The following CACNA1B variants were observed in gnomAD, a reference collection of about 807,000 sequenced individuals.
CACNA1B encodes the protein calcium voltage-gated channel subunit alpha1 B, also known as voltage-dependent N-type calcium channel subunit alpha-1B.
CACNA1B carries 70 observed loss-of-function variants against 247.2 expected under a neutral mutation model. The observed-to-expected ratio is 0.28, with a 90% CI of 0.23 to 0.35. The LOEUF (loss-of-function observed/expected upper bound fraction) is 0.35, where lower values mean the gene tolerates loss of function less well. Ranked by LOEUF, CACNA1B falls within the 10% of genes least tolerant of loss-of-function variation. CACNA1B has a pLI of 1.00. For missense variants in CACNA1B, 2,367 were observed against 3,197.4 expected (o/e 0.74, Z 6.26); for synonymous variants, 1,231 against 1,294.4 (o/e 0.95, Z 1.05).
At chr9:138,000,940 G>A (rs1349415035) in intron 15 of CACNA1B, among the ~76,000 whole-genome samples, 1 of 151,956 alleles carries the variant, frequency 6.6e-6, no homozygotes, top group Non-Finnish European at 1.5e-5. Flanking sequence ...GGTCAGTCTT[G>A]CTATACAATT....
intron 3 of CACNA1B, among the ~76,000 whole-genome samples, chr9:137,906,861 C>T (rs369130868): frequency 4.8e-4 from 73 of 152,338 alleles, no homozygotes; most frequent in African/African-American, 1.5e-3. Flanking sequence ...ATTTAACATA[C>T]GTGTTCCTCT....
intron 16 of CACNA1B, among the ~76,000 whole-genome samples, chr9:138,008,516 C>T (rs1252921556): frequency 1.3e-5 from 2 of 152,222 alleles, no homozygotes; most frequent in Non-Finnish European, 1.5e-5. Context: ...CGTGGACTCA[C>T]CTGTGAGGCT....
Position 138,003,081 on chromosome 9 carries a change from C to T in CACNA1B, c.1975-3686C>T, listed in dbSNP as rs1049380740. 2.0e-5 allele frequency among the ~76,000 whole-genome samples: 3 copies of T among 151,630 alleles called. No homozygotes were observed. The East Asian group carries it at 5.9e-4, about 30-fold the overall frequency. On this transcript the variant is annotated intron_variant, in intron 15 of 46. Coordinates refer to ENST00000371372, the MANE Select transcript of CACNA1B (RefSeq NM_000718.4). ...AAAGTGCTGGGATTACAAACGTGAGCCACTGTGCCTGGCCCAAATTTCTTT... is the reference window on the plus strand; with the variant it reads ...AAAGTGCTGGGATTACAAACGTGAGTCACTGTGCCTGGCCCAAATTTCTTT...
chr9:138,101,410 C>A (rs1007848287), intron 37 of CACNA1B, among the ~76,000 whole-genome samples: 1 of 152,202 alleles, frequency 6.6e-6, no homozygotes, highest in African/African-American at 2.4e-5. Flanking sequence ...TGAGAGTGCA[C>A]AGAAAGCTTT....
intron 6 of CACNA1B, among the ~76,000 whole-genome samples, chr9:137,918,770 C>G (rs781000250): frequency 6.6e-6 from 1 of 152,172 alleles, no homozygotes; most frequent in Non-Finnish European, 1.5e-5. Flanking sequence ...GCTCGTTTAT[C>G]AAGCTTCTTG....
In CACNA1B at chr9:137,882,637, G is replaced by A. The variant is rs749055508; in HGVS notation, c.391-107G>A. The A allele has an allele frequency of 5.3e-6, 7 of 1,316,748 alleles. No homozygotes were observed. The East Asian group carries it at 1.2e-4, about 22-fold the overall frequency. 81.6% of individuals were successfully genotyped at this position (1,316,748 alleles called of 1,614,324 possible). On this transcript the variant is annotated intron_variant, in intron 2 of 46. Coordinates refer to ENST00000371372, the MANE Select transcript of CACNA1B (RefSeq NM_000718.4). This position sits in a 1 kb window ranked among gnomAD's most constrained non-coding sequence, Gnocchi z 4.0. ...AAGGTGAGGAGGGTCAGACCCTCAC[G>A]ATAGCTGTGGCCTGCACATGGTGGG...
chr9:137,933,057 T>G (rs544364969), intron 6 of CACNA1B, among the ~76,000 whole-genome samples: 1 of 152,104 alleles, frequency 6.6e-6, no homozygotes, highest in African/African-American at 2.4e-5. Context: ...CTCAGCCTCC[T>G]GAGTAGCTGG....
At chr9:138,119,954 G>A (rs190141295) in intron 44 of CACNA1B, among the ~76,000 whole-genome samples, 10 of 152,274 alleles carry the variant, frequency 6.6e-5, no homozygotes, top group Non-Finnish European at 1.2e-4. Flanking sequence ...TTCCTGGCAC[G>A]ACACATGGGA....
At position 137,913,335 on chromosome 9, in the gene CACNA1B, A is replaced by C. The variant is rs1402598994; in HGVS notation, c.622+64A>C. 7 of 1,239,574 alleles carry C rather than the reference A, an allele frequency of 5.6e-6. No homozygotes were observed. The highest frequency in any genetic ancestry group is 4.5e-5 in the African/African-American group (3 of 67,368). 76.8% of individuals were successfully genotyped at this position (1,239,574 alleles called of 1,614,324 possible). On this transcript the variant is annotated intron_variant, in intron 4 of 46. Coordinates refer to ENST00000371372, the MANE Select transcript of CACNA1B (RefSeq NM_000718.4). This position sits in a 1 kb window ranked among gnomAD's most constrained non-coding sequence, Gnocchi z 5.2. The stretch of plus-strand genomic sequence containing the variant: ...AACAACCTCCTCTCCTACCCTCACC[A>C]CGGACATGGCCATGGCCATGGTTTG...
intron 38 of CACNA1B, among the ~76,000 whole-genome samples, chr9:138,103,802 T>G (rs558198542): frequency 6.6e-6 from 1 of 152,344 alleles, no homozygotes; most frequent in Admixed American, 6.5e-5. Flanking sequence ...GCCAGAGCTT[T>G]CCTCTCTGGT....
At chr9:138,109,930 G>A (rs1004701191) in intron 39 of CACNA1B, among the ~76,000 whole-genome samples, 3 of 151,988 alleles carry the variant, frequency 2.0e-5, no homozygotes, top group East Asian at 1.9e-4. Context: ...GCCTGCTGGT[G>A]TGCACCTGTA....
chr9:138,083,816 G>A (rs868479860), intron 36 of CACNA1B, among the ~76,000 whole-genome samples: 18 of 150,296 alleles, frequency 1.2e-4, no homozygotes, highest in African/African-American at 2.7e-4. Flanking sequence ...AAATGAGAGC[G>A]GTGCTCTGCC....
chr9:138,006,710 G>A (rs1272786888), intron 15 of CACNA1B, 57 bp from the exon 16 acceptor site: 74 of 918,520 alleles, frequency 8.1e-5, no homozygotes, highest in Non-Finnish European at 1.2e-4. Context: ...GTGGGGGTGC[G>A]TGTGTGTGGG....
At chr9:137,949,412 T>G (rs1957851882) in intron 6 of CACNA1B, among the ~76,000 whole-genome samples, 2 of 151,128 alleles carry the variant, frequency 1.3e-5, no homozygotes, top group Admixed American at 1.3e-4. Context: ...GTGTCCAGTG[T>G]GTGTGTATGG....
intron 36 of CACNA1B, among the ~76,000 whole-genome samples, chr9:138,092,422 AG>A (rs1441711387): frequency 6.6e-6 from 1 of 152,234 alleles, no homozygotes; most frequent in Non-Finnish European, 1.5e-5. Flanking sequence ...GCTTTCTGCA[AG>A]AAGAGAAATA....
intron 18 of CACNA1B, among the ~76,000 whole-genome samples, chr9:138,016,898 AT>A (rs1351005853): frequency 6.6e-6 from 1 of 152,152 alleles, no homozygotes; most frequent in African/African-American, 2.4e-5. Context: ...TCTTCCAGGC[AT>A]TACAGGGTTT....
At chr9:137,901,189 A>C (rs1262207702) in intron 3 of CACNA1B, among the ~76,000 whole-genome samples, 2 of 104,208 alleles carry the variant, frequency 1.9e-5, no homozygotes, top group African/African-American at 4.0e-5. Flanking sequence ...TCCCTGTGTC[A>C]GTGTCTGTAC....
rs1191256455 is a variant in CACNA1B, at chr9:137,878,236, C to T, written c.284+19C>T. 3.2e-6 allele frequency: 3 copies of T among 943,330 alleles called. No homozygotes were observed. Among genetic ancestry groups the T allele is most frequent in the Admixed American group, 1.1e-4 (2 of 18,792 alleles). 58.4% of individuals were successfully genotyped at this position (943,330 alleles called of 1,614,324 possible). On this transcript the variant is annotated intron_variant, in intron 1 of 46. Transcript: ENST00000371372. Reference sequence around the variant, plus strand: ...AGTGGCCATATCCTGCCGGGCGGGGCCGGGCGGGGCCGGGCGGGGACCGGG... The same window carrying T: ...AGTGGCCATATCCTGCCGGGCGGGGTCGGGCGGGGCCGGGCGGGGACCGGG...
Position 137,888,403 on chromosome 9 carries a change from G to A in CACNA1B, c.530+5520G>A, listed in dbSNP as rs1305395624. ...TCAAGCCTCTGGCCCTGTGGGGCTG[G>A]TTGCACCTGGGGGTCAGGGACATGG... On this transcript the variant is annotated intron_variant, in intron 3 of 46. Coordinates refer to ENST00000371372, the MANE Select transcript of CACNA1B (RefSeq NM_000718.4). The surrounding 1 kb of genome is among the most constrained non-coding windows in gnomAD (Gnocchi z 4.7). 2.6e-5 allele frequency among the ~76,000 whole-genome samples: 4 copies of A among 152,170 alleles called. No individual in the cohort carries two copies. Among genetic ancestry groups the A allele is most frequent in the African/African-American group, 9.7e-5 (4 of 41,438 alleles).
Sources: allele counts gnomAD v4.1 joint callset (sites outside exome capture counted in the v4.1 genomes callset), GRCh38; gene constraint gnomAD v4.1.1; non-coding constraint Gnocchi (gnomAD v3.1); transcripts MANE v1.5; gene names NCBI Gene and HGNC (gene_info 2026-07-23, HGNC 2026-07-21).